The following CSMD3 variants were observed in gnomAD, a reference collection of about 807,000 sequenced individuals.
CSMD3 encodes the protein CUB and sushi domain-containing protein 3.
CSMD3 carries 177 observed loss-of-function variants against 435.2 expected under a neutral mutation model. The ratio of observed to expected loss-of-function variants is 0.41; its 90% CI spans 0.36 to 0.46. The LOEUF is 0.46. Ranked by LOEUF, CSMD3 falls within the 20% of genes least tolerant of loss-of-function variation. The probability of loss-of-function intolerance (pLI) is 0.34; values close to 1 mark genes in which losing one functional copy is unlikely to be tolerated. For missense variants in CSMD3, 4,265 were observed against 4,504.6 expected (o/e 0.95, Z 1.52); for synonymous variants, 1,656 against 1,520.5 (o/e 1.09, Z -2.07).
intron 1 of CSMD3, among the ~76,000 whole-genome samples, chr8:113,344,089 A>C (rs987512577): frequency 6.6e-6 from 1 of 152,132 alleles, no homozygotes; most frequent in African/African-American, 2.4e-5. Flanking sequence ...ACATATATTA[A>C]TCTAGGAGTG....
At chr8:113,092,995 T>A (rs1376586688) in intron 5 of CSMD3, among the ~76,000 whole-genome samples, 2 of 152,122 alleles carry the variant, frequency 1.3e-5, no homozygotes, top group Non-Finnish European at 2.9e-5. Flanking sequence ...AAAAAACATG[T>A]AAAAGCAGAT....
intron 13 of CSMD3, among the ~76,000 whole-genome samples, chr8:112,774,755 G>A (rs934037991): frequency 6.6e-6 from 1 of 151,906 alleles, no homozygotes; most frequent in African/African-American, 2.4e-5. Context: ...AATATCTTGG[G>A]TAAGGGCTTC....
intron 32 of CSMD3, among the ~76,000 whole-genome samples, chr8:112,448,277 TATGGCCTC>T (rs944216137): frequency 2.0e-5 from 3 of 152,168 alleles, no homozygotes; most frequent in African/African-American, 7.2e-5. Context: ...GCCCCACCTT[TATGGCCTC>T]ATTAAACCTT....
intron 24 of CSMD3, among the ~76,000 whole-genome samples, chr8:112,558,797 A>G (rs1828360929): frequency 6.6e-6 from 1 of 151,942 alleles, no homozygotes; most frequent in Non-Finnish European, 1.5e-5. Flanking sequence ...AAGACAAAAT[A>G]TGTGAAATAA....
chr8:112,785,157 A>T (rs901967018), intron 13 of CSMD3, among the ~76,000 whole-genome samples: 2 of 152,048 alleles, frequency 1.3e-5, no homozygotes, highest in Non-Finnish European at 2.9e-5. Context: ...ATGAAGAACA[A>T]ATCTATATAG....
intron 1 of CSMD3, among the ~76,000 whole-genome samples, chr8:113,355,749 T>TATATGC (rs1357514892): frequency 1.2e-5 from 1 of 81,316 alleles, no homozygotes; most frequent in South Asian, 6.2e-4. Flanking sequence ...TATATATATA[T>TATATGC]ACACACACAC....
At chr8:113,247,921 GTT>G (rs2093292768) in intron 3 of CSMD3, among the ~76,000 whole-genome samples, 1 of 151,974 alleles carries the variant, frequency 6.6e-6, no homozygotes, top group Non-Finnish European at 1.5e-5. Context: ...AATGACTGGA[GTT>G]TTCGTGAGCT....
chr8:113,402,078 C>T (rs1356309195), intron 1 of CSMD3, among the ~76,000 whole-genome samples: 1 of 151,442 alleles, frequency 6.6e-6, no homozygotes, highest in African/African-American at 2.4e-5. Context: ...ACATCACAGA[C>T]CATTAGGAAA....
At chr8:113,340,847 C>T (rs549079320) in intron 1 of CSMD3, among the ~76,000 whole-genome samples, 48 of 141,644 alleles carry the variant, frequency 3.4e-4, no homozygotes, top group African/African-American at 1.1e-3. Flanking sequence ...CCAGCGTGGG[C>T]GACAAAGCAA....
Position 112,304,825 on chromosome 8 carries a change from A to G in CSMD3, c.8162T>C (p.Val2721Ala), listed in dbSNP as rs1184431863. Residue 2721 changes from valine to alanine, a missense_variant, in exon 52 of 71, where the codon GTA becomes GCA. Physicochemically the swap from Val to Ala is moderately conservative, Grantham distance 64. Coordinates refer to ENST00000297405, the MANE Select transcript of CSMD3 (RefSeq NM_198123.2). ...NGSHYEYKTKVVFSCDPGYHG... is the reference protein window; with the variant it reads ...NGSHYEYKTKAVFSCDPGYHG... ...ATAACCAGGGTCACAGCTGAAAACTACTTTGGTTTTGTATTCATAATGGGA... is the reference window on the plus strand; with the variant it reads ...ATAACCAGGGTCACAGCTGAAAACTGCTTTGGTTTTGTATTCATAATGGGA... The G allele has an allele frequency of 6.2e-7, 1 of 1,613,868 alleles. No individual in the cohort carries two copies. Among genetic ancestry groups the G allele is most frequent in the South Asian group, 1.1e-5 (1 of 91,082 alleles).
chr8:112,967,748 A>G (rs1284937506), intron 7 of CSMD3, among the ~76,000 whole-genome samples: 1 of 151,928 alleles, frequency 6.6e-6, no homozygotes, highest in African/African-American at 2.4e-5. Context: ...AAGTTCAATA[A>G]AGCAGGGTCT....
intron 22 of CSMD3, among the ~76,000 whole-genome samples, chr8:112,591,948 C>T (rs1189276601): frequency 2.0e-5 from 3 of 151,780 alleles, no homozygotes; most frequent in Non-Finnish European, 4.4e-5. Context: ...CCTAAAAAAG[C>T]AAAAATGTTG....
intron 9 of CSMD3, among the ~76,000 whole-genome samples, chr8:112,940,061 A>G (rs1564128208): frequency 2.0e-5 from 3 of 151,964 alleles, no homozygotes; most frequent in Admixed American, 1.3e-4. Context: ...TAAGATTTAT[A>G]ACTAATATAC....
At chr8:112,938,037 G>A (rs1270958990) in intron 9 of CSMD3, among the ~76,000 whole-genome samples, 3 of 152,152 alleles carry the variant, frequency 2.0e-5, no homozygotes, top group African/African-American at 7.2e-5. Flanking sequence ...CAGTCGAGAA[G>A]CCAGGGGGGA....
intron 5 of CSMD3, among the ~76,000 whole-genome samples, chr8:113,055,088 A>T (rs2088262573): frequency 6.6e-6 from 1 of 152,096 alleles, no homozygotes; most frequent in African/African-American, 2.4e-5. Context: ...TATTTCAGTT[A>T]GTTTATTATC....
intron 4 of CSMD3, among the ~76,000 whole-genome samples, chr8:113,170,825 AC>A (rs2092254904): frequency 2.0e-5 from 3 of 152,090 alleles, no homozygotes; most frequent in Non-Finnish European, 4.4e-5. Context: ...AAAAAAAGTG[AC>A]CTGGGTAGAC....
rs577861177 is a variant in CSMD3, at chr8:112,423,114, G to A, written c.5396-14082C>T. ...ATGGTCTTATGTATTGTTTCAGTTC[G>A]CCCAAAGACTTTCCTTTGATAGTTA... On this transcript the variant is annotated intron_variant, in intron 32 of 70. Coordinates refer to ENST00000297405, the MANE Select transcript of CSMD3 (RefSeq NM_198123.2). Among the ~76,000 whole-genome samples the A allele has an allele frequency of 9.9e-5, 15 of 152,106 alleles. No individual in the cohort carries two copies. In the East Asian group the frequency reaches 2.9e-3, roughly 29 times the overall value.
At position 112,824,301 on chromosome 8, in the gene CSMD3, C is replaced by T. The variant is rs574467744; in HGVS notation, c.1859+5385G>A. 2.6e-5 allele frequency among the ~76,000 whole-genome samples: 4 copies of T among 152,240 alleles called. No homozygotes were observed. In the South Asian group the frequency reaches 8.3e-4, roughly 32 times the overall value. On this transcript the variant is annotated intron_variant, in intron 12 of 70. Transcript: ENST00000297405. ...TTAACTGGGGCATTTAGTCCATTTA[C>T]ATTTAAGGTTAGTATTGTTACATGT...
At chr8:112,687,288 C>A (rs182985525) in intron 14 of CSMD3, among the ~76,000 whole-genome samples, 18 of 151,886 alleles carry the variant, frequency 1.2e-4, no homozygotes, top group Non-Finnish European at 2.1e-4. Flanking sequence ...TCTTTGACTA[C>A]TAGAGAAGTT....
Sources: allele counts gnomAD v4.1 joint callset (sites outside exome capture counted in the v4.1 genomes callset), GRCh38; gene constraint gnomAD v4.1.1; transcripts MANE v1.5; gene names NCBI Gene and HGNC (gene_info 2026-07-23, HGNC 2026-07-21).